SAMMSON: variants seen among roughly 807,000 people sequenced by gnomAD.
SAMMSON encodes the protein survival associated mitochondrial melanoma specific oncogenic non-coding RNA.
In SAMMSON at chr3:70,259,893, C is replaced by G. The variant is rs779762164; in HGVS notation, n.674+10223C>G. Among the ~76,000 whole-genome samples, 163 of 152,166 alleles carry G rather than the reference C, an allele frequency of 1.1e-3. 1 individual carries two copies. The highest frequency in any genetic ancestry group is 1.0e-3 in the Non-Finnish European group (70 of 68,000). On this transcript the variant is annotated intron_variant and non_coding_transcript_variant, in intron 6 of 9. Coordinates refer to ENST00000642114, the Ensembl canonical transcript of SAMMSON. Reference sequence around the variant, plus strand: ...TGGAAGGTGGAGGGGAAGCAAGGCACCTTCTTCACAAGGAAGCAGGAAGGA... The same window carrying G: ...TGGAAGGTGGAGGGGAAGCAAGGCAGCTTCTTCACAAGGAAGCAGGAAGGA...
At chr3:70,039,841 G>A (rs2067099978) in intron 3 of SAMMSON, among the ~76,000 whole-genome samples, 1 of 151,818 alleles carries the variant, frequency 6.6e-6, no homozygotes, top group African/African-American at 2.4e-5. Flanking sequence ...TCTACTTCAG[G>A]GAGGATACAT....
intron 4 of SAMMSON, among the ~76,000 whole-genome samples, chr3:70,225,663 C>G (rs984889555): frequency 6.6e-6 from 1 of 152,148 alleles, no homozygotes; most frequent in Admixed American, 6.5e-5. Context: ...CACTGTTTCC[C>G]TTCTAGATCA....
intron 2 of SAMMSON, among the ~76,000 whole-genome samples, chr3:70,422,590 C>G (rs563438155): frequency 6.6e-6 from 1 of 151,884 alleles, no homozygotes; most frequent in Non-Finnish European, 1.5e-5. Flanking sequence ...TTGTAAACAT[C>G]TAAAAAAATT....
intron 4 of SAMMSON, chr3:70,120,753 GTC>G (rs2067429435): frequency 6.6e-6 from 1 of 152,190 alleles, no homozygotes; most frequent in Non-Finnish European, 1.5e-5. Context: ...TCTCTCAAGT[GTC>G]TGCTGAGTCA....
chr3:70,423,038 T>C (rs1382799099), intron 2 of SAMMSON, among the ~76,000 whole-genome samples: 1 of 151,964 alleles, frequency 6.6e-6, no homozygotes, highest in South Asian at 2.1e-4. Flanking sequence ...GGAAAGGATA[T>C]ATCATTACAT....
At chr3:70,022,571 G>A (rs74567960) in intron 3 of SAMMSON, among the ~76,000 whole-genome samples, 1,645 of 151,346 alleles carry the variant, frequency 0.011, 24 homozygotes, top group African/African-American at 0.038. Context: ...ATTTTATTTC[G>A]TATTGCAAAA....
chr3:70,214,621 T>C (rs1355725406), intron 4 of SAMMSON, among the ~76,000 whole-genome samples: 1 of 150,226 alleles, frequency 6.7e-6, no homozygotes, highest in African/African-American at 2.5e-5. Context: ...TTTTTTTTTT[T>C]ATCTAACTAT....
intron 1 of SAMMSON, among the ~76,000 whole-genome samples, chr3:70,001,422 T>C (rs78428295): frequency 0.016 from 2,394 of 151,736 alleles, 32 homozygotes; most frequent in Middle Eastern, 0.051. Context: ...TAGGGCCTAA[T>C]GGGAGATACA....
At chr3:70,049,770 C>T (rs944423016) in intron 3 of SAMMSON, among the ~76,000 whole-genome samples, 5 of 151,878 alleles carry the variant, frequency 3.3e-5, no homozygotes, top group African/African-American at 4.8e-5. Context: ...AGAAACAGTA[C>T]GTTGGTCTTA....
In SAMMSON at chr3:70,170,912, T is replaced by A. The variant is rs531548994; in HGVS notation, n.508-78195T>A. Among the ~76,000 whole-genome samples the A allele has an allele frequency of 3.0e-4, 45 of 152,018 alleles. 1 individual carries two copies. The South Asian group carries it at 9.1e-3, about 31-fold the overall frequency. On this transcript the variant is annotated intron_variant and non_coding_transcript_variant, in intron 4 of 9. Coordinates refer to ENST00000642114, the Ensembl canonical transcript of SAMMSON. The stretch of plus-strand genomic sequence containing the variant: ...TAGGAAATATTCAAATACACTGTTC[T>A]TAAACAAACAAAATTCAATTTCATG...
At chr3:70,253,541 A>G (rs1415694887) in intron 6 of SAMMSON, among the ~76,000 whole-genome samples, 1 of 152,172 alleles carries the variant, frequency 6.6e-6, no homozygotes, top group Non-Finnish European at 1.5e-5. Context: ...CCTGAGCAAC[A>G]TAGCAAGACC....
At chr3:70,212,601 T>C (rs906690180) in intron 4 of SAMMSON, among the ~76,000 whole-genome samples, 1 of 152,144 alleles carries the variant, frequency 6.6e-6, no homozygotes, top group South Asian at 2.1e-4. Flanking sequence ...ATCTGGACTC[T>C]TTTTCAGCAG....
chr3:70,022,455 T>C (rs1244301415), intron 3 of SAMMSON, among the ~76,000 whole-genome samples: 1 of 146,636 alleles, frequency 6.8e-6, no homozygotes, highest in Admixed American at 6.8e-5. Flanking sequence ...AAAAAAGAAA[T>C]TGTATTGTGA....
intron 2 of SAMMSON, among the ~76,000 whole-genome samples, chr3:70,395,418 T>G (rs1232559674): frequency 6.6e-6 from 1 of 150,494 alleles, no homozygotes; most frequent in Non-Finnish European, 1.5e-5. Context: ...TTACTTCTAC[T>G]CTGTGTGGCA....
chr3:70,061,803 A>G (rs2067191574), intron 3 of SAMMSON, among the ~76,000 whole-genome samples: 3 of 152,054 alleles, frequency 2.0e-5, no homozygotes, highest in Admixed American at 2.0e-4. Context: ...TTACCCTCTC[A>G]GGGTTTTCTT....
intron 7 of SAMMSON, among the ~76,000 whole-genome samples, chr3:70,340,399 A>ATATATATAT (rs61631789): frequency 6.6e-6 from 1 of 151,074 alleles, no homozygotes; most frequent in Non-Finnish European, 1.5e-5. Context: ...TATATATATA[A>ATATATATAT]AAAAAGCAGG....
intron 4 of SAMMSON, among the ~76,000 whole-genome samples, chr3:70,233,068 G>A (rs1416044120): frequency 2.6e-5 from 4 of 152,074 alleles, no homozygotes; most frequent in African/African-American, 9.7e-5. Context: ...ATGCGCCTGT[G>A]GTCTCAGCTA....
At chr3:70,015,777 T>TA (rs2066981714) in intron 3 of SAMMSON, among the ~76,000 whole-genome samples, 2 of 152,102 alleles carry the variant, frequency 1.3e-5, no homozygotes. Context: ...AGTGTTCTCA[T>TA]TGTTCAATTC....
At chr3:70,294,989 C>T (rs1522343) in intron 7 of SAMMSON, among the ~76,000 whole-genome samples, 31,305 of 152,112 alleles carry the variant, frequency 0.21, 3,398 homozygotes, top group South Asian at 0.28. Flanking sequence ...TTACTAGAAG[C>T]CCCTAGCAGA....
Sources: gnomAD v4.1 joint callset for allele counts (sites outside exome capture counted in the v4.1 genomes callset) on GRCh38, gnomAD v4.1.1 for gene constraint, MANE v1.5 for transcripts, NCBI Gene and HGNC (gene_info 2026-07-23, HGNC 2026-07-21) for gene names.